The following MICU3 variants were observed in gnomAD, a reference collection of about 807,000 sequenced individuals.
MICU3 encodes calcium uptake protein 3, mitochondrial.
A neutral mutation model predicts 66.5 loss-of-function variants in MICU3; 62 were observed. The observed-to-expected ratio is 0.93, with a 90% CI of 0.76 to 1.15. The LOEUF is 1.15. Ranked by LOEUF, MICU3 falls within the 50% of genes most tolerant of loss-of-function variation. MICU3 has a pLI of 0.00. For synonymous variants in MICU3, 308 were observed against 240.7 expected, an observed-to-expected ratio of 1.28 and a Z score of -2.59; for missense variants, 779 against 664.4, an observed-to-expected ratio of 1.17 and a Z score of -1.90.
chr8:17,067,922 C>T (rs1818970312), intron 2 of MICU3, among the ~76,000 whole-genome samples: 2 of 151,556 alleles, frequency 1.3e-5, no homozygotes, highest in Non-Finnish European at 2.9e-5. Context: ...GTTGAGATAT[C>T]TGTTGATTAT....
intron 11 of MICU3, among the ~76,000 whole-genome samples, chr8:17,109,264 C>A (rs548181104): frequency 1.6e-4 from 24 of 151,994 alleles, no homozygotes; most frequent in Admixed American, 5.9e-4. Flanking sequence ...ATGTTGAACT[C>A]TTGTTAATTG....
At chr8:17,098,620 T>C (rs1363623067) in intron 9 of MICU3, 67 bp downstream of exon 9, 1 of 1,076,086 alleles carries the variant, frequency 9.3e-7, no homozygotes, top group African/African-American at 1.6e-5. Context: ...GTCATTTCAT[T>C]TTAGTCACAG....
intron 2 of MICU3, among the ~76,000 whole-genome samples, chr8:17,066,804 C>T (rs891407756): frequency 6.6e-6 from 1 of 151,986 alleles, no homozygotes; most frequent in African/African-American, 2.4e-5. Context: ...GCCTCAGCCT[C>T]CCAAAGTGCT....
At chr8:17,052,888 C>A (rs1028242379) in intron 1 of MICU3, among the ~76,000 whole-genome samples, 24 of 152,198 alleles carry the variant, frequency 1.6e-4, no homozygotes, top group Middle Eastern at 6.8e-3. Context: ...CCATGCAAGT[C>A]CATAAGATTC....
intron 1 of MICU3, among the ~76,000 whole-genome samples, chr8:17,032,156 C>T (rs953819562): frequency 6.6e-6 from 1 of 152,160 alleles, no homozygotes; most frequent in African/African-American, 2.4e-5. Context: ...ATTGGGACGA[C>T]TTCAGTAAAG....
At chr8:17,030,277 T>G (rs1811793269) in intron 1 of MICU3, among the ~76,000 whole-genome samples, 1 of 152,224 alleles carries the variant, frequency 6.6e-6, no homozygotes, top group Admixed American at 6.5e-5. Context: ...ATTTTGGAGG[T>G]TTTCCTCACA....
At chr8:17,105,987 C>T (rs1018442342) in intron 11 of MICU3, among the ~76,000 whole-genome samples, 4 of 151,958 alleles carry the variant, frequency 2.6e-5, no homozygotes, top group African/African-American at 7.3e-5. Flanking sequence ...ATTTGAAGAC[C>T]ACCATTGATG....
chr8:17,071,430 A>C (rs1585335090), intron 3 of MICU3, among the ~76,000 whole-genome samples: 1 of 152,054 alleles, frequency 6.6e-6, no homozygotes. Flanking sequence ...TCTTATAAGG[A>C]CGTCAGTCAT....
chr8:17,068,339 T>G lies in MICU3; in HGVS notation c.536-1349T>G, dbSNP rs1585319795. On this transcript the variant is annotated intron_variant, in intron 2 of 14. Coordinates refer to ENST00000318063, the MANE Select transcript of MICU3 (RefSeq NM_181723.3). ...TTTTGTGAATAATTTACCATGGAAA[T>G]CTCATAAACCCTGCAAAACTCAAGA... Among the ~76,000 whole-genome samples the G allele has an allele frequency of 3.3e-5, 5 of 152,278 alleles. 1 individual carries two copies. Among genetic ancestry groups the G allele is most frequent in the Admixed American group, 3.3e-4 (5 of 15,294 alleles).
chr8:17,052,728 A>G (rs1191087774), intron 1 of MICU3, among the ~76,000 whole-genome samples: 1 of 152,160 alleles, frequency 6.6e-6, no homozygotes, highest in African/African-American at 2.4e-5. Flanking sequence ...CCACACTGGG[A>G]ATTTGAGGTT....
At chr8:17,117,468 T>C (rs1445992436) in intron 13 of MICU3, among the ~76,000 whole-genome samples, 2 of 152,166 alleles carry the variant, frequency 1.3e-5, no homozygotes, top group African/African-American at 4.8e-5. Context: ...GCTGGAAATA[T>C]AGTATGAATC....
intron 3 of MICU3, among the ~76,000 whole-genome samples, chr8:17,074,590 C>CGTGTGTGTGTGTGTGTGTGT (rs35861279): frequency 7.0e-6 from 1 of 141,944 alleles, no homozygotes; most frequent in African/African-American, 2.5e-5. Flanking sequence ...GATGTTAAAA[C>CGTGTGTGTGTGTGTGTGTGT]GTGTGTGTGT....
chr8:17,098,072 T>C (rs1800905357), intron 8 of MICU3, among the ~76,000 whole-genome samples: 1 of 151,800 alleles, frequency 6.6e-6, no homozygotes, highest in Non-Finnish European at 1.5e-5. Flanking sequence ...ATGTATCTTT[T>C]AATAGGTTGC....
intron 4 of MICU3, among the ~76,000 whole-genome samples, chr8:17,080,458 T>A (rs1821013696): frequency 6.6e-6 from 1 of 152,122 alleles, no homozygotes; most frequent in Non-Finnish European, 1.5e-5. Context: ...TTCTACCAGG[T>A]CAACTAGAAC....
At chr8:17,063,776 C>T (rs1242214686) in intron 1 of MICU3, among the ~76,000 whole-genome samples, 1 of 152,064 alleles carries the variant, frequency 6.6e-6, no homozygotes, top group Non-Finnish European at 1.5e-5. Flanking sequence ...ACCACTGGCT[C>T]CATAATTTAA....
In MICU3 at chr8:17,121,520, G is replaced by A. The variant is rs1029632691; in HGVS notation, c.*1233G>A. 1.3e-4 allele frequency: 20 copies of A among 151,994 alleles called. No homozygotes were observed. The highest frequency in any genetic ancestry group is 2.1e-4 in the South Asian group (1 of 4,824). The allele number at this position is 151,994 out of a possible 1,614,324, so 9.4% of individuals were successfully genotyped here. On this transcript the variant is annotated 3_prime_UTR_variant, in exon 15 of 15. Transcript: ENST00000318063. ...AATAGAACAATTAGTCTGAATTAAC[G>A]TATTTACATATTGCATATGGAAGAT... is the stretch of plus-strand genomic sequence containing the variant.
intron 1 of MICU3, among the ~76,000 whole-genome samples, chr8:17,028,835 G>C (rs954632758): frequency 6.6e-6 from 1 of 152,060 alleles, no homozygotes; most frequent in Non-Finnish European, 1.5e-5. Flanking sequence ...TTGGCAAGGA[G>C]CATAGCGTTT....
chr8:17,052,088 CTT>C (rs1381500667), intron 1 of MICU3, among the ~76,000 whole-genome samples: 3 of 152,232 alleles, frequency 2.0e-5, no homozygotes, highest in South Asian at 2.1e-4. Context: ...GAGAAAAAGA[CTT>C]TCATTTATGT....
intron 1 of MICU3, among the ~76,000 whole-genome samples, chr8:17,059,481 C>G (rs1047796302): frequency 3.9e-5 from 6 of 152,070 alleles, no homozygotes; most frequent in African/African-American, 1.2e-4. Flanking sequence ...TGATAATATT[C>G]AACATCATTT....
Sources: allele counts gnomAD v4.1 joint callset (sites outside exome capture counted in the v4.1 genomes callset), GRCh38; gene constraint gnomAD v4.1.1; transcripts MANE v1.5; gene names NCBI Gene and HGNC (gene_info 2026-07-23, HGNC 2026-07-21).